R3HDM1: variants seen among roughly 807,000 people sequenced by gnomAD.
R3HDM1 encodes R3H domain containing 1, also known as R3H domain-containing protein 1.
R3HDM1 carries 46 observed loss-of-function variants against 141.1 expected under a neutral mutation model. The observed-to-expected ratio is 0.33, with a 90% CI of 0.26 to 0.42. The LOEUF is 0.42. Among genes scored for constraint, R3HDM1 ranks in the 10% least tolerant of loss-of-function variants. The pLI, the probability that R3HDM1 is intolerant of heterozygous loss-of-function variation, is 1.00. For synonymous variants in R3HDM1, 435 were observed against 472.9 expected (o/e 0.92, Z 1.04); for missense variants, 1,184 against 1,368.3 (o/e 0.87, Z 2.12).
intron 1 of R3HDM1, among the ~76,000 whole-genome samples, chr2:135,556,099 G>A (rs988424074): frequency 2.0e-5 from 3 of 152,170 alleles, no homozygotes; most frequent in East Asian, 1.9e-4. Context: ...AACATGCTAA[G>A]TAAAAGAAGA....
chr2:135,636,195 C>T lies in R3HDM1; in HGVS notation c.903+12C>T, dbSNP rs2063228609. The T allele has an allele frequency of 6.2e-7, 1 of 1,609,548 alleles. No individual in the cohort carries two copies. Among genetic ancestry groups the T allele is most frequent in the Non-Finnish European group, 8.5e-7 (1 of 1,178,244 alleles). ...TATTTTCCCAAGATGTACGTACTAA[C>T]TTACTTAGGTCTTCATGTTAGAGTA... On this transcript the variant is annotated intron_variant, in intron 11 of 26. Coordinates refer to ENST00000683871, the MANE Select transcript of R3HDM1 (RefSeq NM_001378107.1).
At chr2:135,690,728 TGTTTC>T (rs1453399947) in intron 21 of R3HDM1, among the ~76,000 whole-genome samples, 7 of 151,940 alleles carry the variant, frequency 4.6e-5, no homozygotes. Flanking sequence ...TTTGTTTGTT[TGTTTC>T]TTTTTTTCTT....
At chr2:135,679,522 T>A (rs1354279395) in intron 20 of R3HDM1, among the ~76,000 whole-genome samples, 1 of 152,246 alleles carries the variant, frequency 6.6e-6, no homozygotes, top group Non-Finnish European at 1.5e-5. Flanking sequence ...CCACTGCGTC[T>A]CACTGCCATC....
At chr2:135,681,647 G>A (rs552547993) in intron 21 of R3HDM1, among the ~76,000 whole-genome samples, 5 of 152,240 alleles carry the variant, frequency 3.3e-5, no homozygotes, top group East Asian at 1.9e-4. Flanking sequence ...AGAAAATGGC[G>A]TTAGCATGAT....
intron 21 of R3HDM1, among the ~76,000 whole-genome samples, chr2:135,680,779 T>C (rs58612912): frequency 6.6e-6 from 1 of 152,148 alleles, no homozygotes; most frequent in Admixed American, 6.6e-5. Flanking sequence ...TCCAAAAAAA[T>C]ATATATGTAT....
chr2:135,537,872 C>G (rs1336019037), intron 1 of R3HDM1, among the ~76,000 whole-genome samples: 2 of 152,002 alleles, frequency 1.3e-5, no homozygotes, highest in Non-Finnish European at 2.9e-5. Flanking sequence ...TCATACAGAA[C>G]TACTGAGTAT....
chr2:135,607,395 G>C, intron 3 of R3HDM1: 1 of 938,554 alleles, frequency 1.1e-6, no homozygotes, highest in African/African-American at 1.8e-5. Flanking sequence ...AATTCCTCCA[G>C]CTATAAAAAA....
chr2:135,725,233 C>T lies in R3HDM1; in HGVS notation c.*941C>T, dbSNP rs2077037671. On this transcript the variant is annotated 3_prime_UTR_variant, in exon 27 of 27. Coordinates refer to ENST00000683871, the MANE Select transcript of R3HDM1 (RefSeq NM_001378107.1). ...CTGTACAATGTGTGCTGATGCAAGC[C>T]TTTTTCAGTTCAAGAGAATAAATGT... 6.7e-6 allele frequency: 1 copy of T among 150,346 alleles called. No homozygotes were observed. The highest frequency in any genetic ancestry group is 1.5e-5 in the Non-Finnish European group (1 of 67,944). The allele number at this position is 150,346 out of a possible 1,614,324, so 9.3% of individuals were successfully genotyped here. A position where few individuals can be genotyped will look rare whatever the true frequency, so the allele number is the denominator to read the frequency against.
At chr2:135,620,616 T>G in intron 5 of R3HDM1, 1 of 980,842 alleles carries the variant, frequency 1.0e-6, no homozygotes, top group Non-Finnish European at 1.2e-6. Flanking sequence ...TTGATGGTTT[T>G]CTTGACTATA....
chr2:135,602,415 A>G, intron 1 of R3HDM1, 85 bp from the exon 2 acceptor site: 1 of 920,078 alleles, frequency 1.1e-6, no homozygotes, highest in Non-Finnish European at 1.4e-6. Context: ...ACTGACAGTA[A>G]TATTTTTAAT....
chr2:135,542,481 A>G (rs1697810264), intron 1 of R3HDM1, among the ~76,000 whole-genome samples: 1 of 152,064 alleles, frequency 6.6e-6, no homozygotes, highest in Non-Finnish European at 1.5e-5. Context: ...TCCTTTTGTT[A>G]GGTCTTGCTG....
intron 21 of R3HDM1, among the ~76,000 whole-genome samples, chr2:135,686,190 GA>G (rs1449458281): frequency 1.3e-5 from 2 of 151,978 alleles, no homozygotes; most frequent in South Asian, 2.1e-4. Context: ...TAAGGATGTG[GA>G]AAAAAGGGAA....
intron 9 of R3HDM1, 53 bp downstream of exon 9, chr2:135,632,054 A>G: frequency 7.5e-7 from 1 of 1,326,608 alleles, no homozygotes; most frequent in Non-Finnish European, 1.0e-6. Flanking sequence ...ATAATACTTT[A>G]TCTTTCTATA....
chr2:135,686,751 G>A (rs1315647491), intron 21 of R3HDM1, among the ~76,000 whole-genome samples: 1 of 152,068 alleles, frequency 6.6e-6, no homozygotes, highest in African/African-American at 2.4e-5. Flanking sequence ...AGAAAAAAAG[G>A]TTATATATGT....
chr2:135,531,885 C>T (rs960520465), intron 1 of R3HDM1, among the ~76,000 whole-genome samples: 34 of 152,310 alleles, frequency 2.2e-4, no homozygotes, highest in Non-Finnish European at 4.7e-4. Context: ...GGCTGCGGCT[C>T]CGGCTGCAGC....
At chr2:135,582,155 C>A (rs1706953358) in intron 1 of R3HDM1, among the ~76,000 whole-genome samples, 1 of 152,046 alleles carries the variant, frequency 6.6e-6, no homozygotes. Flanking sequence ...TGGTGAAACC[C>A]CGTTTCTACT....
At chr2:135,602,739 A>G in intron 2 of R3HDM1, 31 bp downstream of exon 2, 3 of 1,429,862 alleles carry the variant, frequency 2.1e-6, no homozygotes, top group Non-Finnish European at 1.8e-6. Context: ...AGAAAAACAT[A>G]TTTTTCTTAC....
At chr2:135,658,641 T>C (rs911256166) in intron 18 of R3HDM1, among the ~76,000 whole-genome samples, 1 of 152,204 alleles carries the variant, frequency 6.6e-6, no homozygotes, top group African/African-American at 2.4e-5. Context: ...CATACATTTT[T>C]CTTTCTTCAG....
rs1252473789 is a variant in R3HDM1 at position 135,651,714 on chromosome 2, C to T, written c.1726-16C>T. ...GTGTAGAAGGCTTACTAATTTTTGA[C>T]TTCTTCCTTTTTTAGCAGGATAACC... is the stretch of plus-strand genomic sequence containing the variant. On this transcript the variant is annotated splice_polypyrimidine_tract_variant and intron_variant, in intron 17 of 26. Coordinates refer to ENST00000683871, the MANE Select transcript of R3HDM1 (RefSeq NM_001378107.1). 6.3e-7 allele frequency: 1 copy of T among 1,580,986 alleles called. No homozygotes were observed. The highest frequency in any genetic ancestry group is 1.8e-5 in the Admixed American group (1 of 57,142).
Sources: allele counts gnomAD v4.1 joint callset (sites outside exome capture counted in the v4.1 genomes callset), GRCh38; gene constraint gnomAD v4.1.1; transcripts MANE v1.5; gene names NCBI Gene and HGNC (gene_info 2026-07-23, HGNC 2026-07-21).